The following CCDC141 variants were observed in gnomAD, a reference collection of about 807,000 sequenced individuals.
CCDC141 encodes coiled-coil domain containing 141.
Under a neutral mutation model 181.0 loss-of-function variants are expected in CCDC141, and 168 were observed. That is an observed-to-expected ratio of 0.93 (90% CI 0.82 to 1.05). CCDC141 has a LOEUF of 1.05. Among genes scored for constraint, CCDC141 ranks in the 50% least tolerant of loss-of-function variants. The pLI, the probability that CCDC141 is intolerant of heterozygous loss-of-function variation, is 0.00. For missense variants in CCDC141, 1,902 were observed against 1,788.5 expected (o/e 1.06, Z -1.14); for synonymous variants, 666 against 642.3 (o/e 1.04, Z -0.56).
At chr2:178,984,888 T>C (rs1342095541) in intron 2 of CCDC141, among the ~76,000 whole-genome samples, 1 of 151,274 alleles carries the variant, frequency 6.6e-6, no homozygotes, top group Non-Finnish European at 1.5e-5. Flanking sequence ...CACCCCACTG[T>C]CAACATTAGA....
At chr2:179,008,889 T>C (rs1192300442) in intron 2 of CCDC141, among the ~76,000 whole-genome samples, 5 of 152,314 alleles carry the variant, frequency 3.3e-5, no homozygotes, top group Admixed American at 6.5e-5. Flanking sequence ...AGGCTATCAC[T>C]TGTCAATGAT....
At chr2:178,943,537 C>A (rs1017281946) in intron 6 of CCDC141, among the ~76,000 whole-genome samples, 4 of 152,138 alleles carry the variant, frequency 2.6e-5, no homozygotes, top group African/African-American at 9.7e-5. Context: ...ACTTGTCTAG[C>A]CTGTATTCAA....
intron 2 of CCDC141, among the ~76,000 whole-genome samples, chr2:179,040,592 G>A (rs1219079667): frequency 6.6e-6 from 1 of 152,024 alleles, no homozygotes; most frequent in African/African-American, 2.4e-5. Context: ...TGTCCATGTG[G>A]TCTCATCATT....
chr2:178,846,971 T>C (rs1199979440), intron 21 of CCDC141, among the ~76,000 whole-genome samples: 1 of 152,194 alleles, frequency 6.6e-6, no homozygotes, highest in African/African-American at 2.4e-5. Flanking sequence ...TCAACCTTTA[T>C]ATTTAATAAC....
At chr2:179,008,022 C>A (rs749237252) in intron 2 of CCDC141, among the ~76,000 whole-genome samples, 8 of 152,106 alleles carry the variant, frequency 5.3e-5, no homozygotes, top group Non-Finnish European at 1.2e-4. Context: ...CTGATGTCAT[C>A]GTCTATGTTC....
At chr2:178,877,008 T>C (rs1233830170) in intron 12 of CCDC141, 4 of 152,164 alleles carry the variant, frequency 2.6e-5, no homozygotes, top group Non-Finnish European at 4.4e-5. Context: ...GTTAGCATAA[T>C]TGTAGGTCTC....
chr2:179,020,838 C>T (rs183409627), intron 2 of CCDC141, among the ~76,000 whole-genome samples: 10 of 152,286 alleles, frequency 6.6e-5, no homozygotes, highest in African/African-American at 1.9e-4. Flanking sequence ...ACATGCAATG[C>T]TTATATTTCT....
rs536295997 is a variant in CCDC141, at chr2:178,851,055, A to G, written c.3245-894T>C. 4.2e-4 allele frequency among the ~76,000 whole-genome samples: 64 copies of G among 151,992 alleles called. 1 individual carries two copies. The highest frequency in any genetic ancestry group is 1.4e-3 in the Admixed American group (21 of 15,268). ...ACCCCATCTCTACTAAAAATACAAA[A>G]ATTAACCTGGTGTGGTGGCACATGC... On this transcript the variant is annotated intron_variant, in intron 20 of 23. Transcript: ENST00000443758.
At chr2:178,872,679 A>T (rs1686173807) in intron 12 of CCDC141, among the ~76,000 whole-genome samples, 2 of 152,190 alleles carry the variant, frequency 1.3e-5, no homozygotes, top group Admixed American at 1.3e-4. Flanking sequence ...TTTTATTTTA[A>T]CATGCTCATT....
intron 7 of CCDC141, among the ~76,000 whole-genome samples, chr2:178,914,528 C>T (rs150974850): frequency 1.5e-4 from 23 of 152,284 alleles, no homozygotes; most frequent in Non-Finnish European, 2.6e-4. Flanking sequence ...GAGAAACATT[C>T]CTGAACCTTG....
chr2:178,818,474 T>C, the CCDC141 span, among the ~76,000 whole-genome samples: 9 of 152,138 alleles, frequency 5.9e-5, 1 homozygote, highest in South Asian at 1.9e-3. Context: ...TTCCCCTCCC[T>C]GTGTCCATCT....
intron 6 of CCDC141, among the ~76,000 whole-genome samples, chr2:178,937,247 T>C (rs1006079830): frequency 2.0e-5 from 3 of 152,184 alleles, no homozygotes; most frequent in Non-Finnish European, 4.4e-5. Context: ...TGGCTCTTAT[T>C]ATTTGGAGGT....
the CCDC141 span, among the ~76,000 whole-genome samples, chr2:178,819,557 T>C: frequency 1.3e-5 from 2 of 152,248 alleles, no homozygotes; most frequent in African/African-American, 4.8e-5. Flanking sequence ...ACCAAGCTTA[T>C]GCTATCTTGT....
In CCDC141 at chr2:178,961,496, TAGAA is replaced by T. The variant is rs1190205797; in HGVS notation, c.527-17_527-14del. ...CGTTCCAAGAGTTCTAGAAGAAAAT[TAGAA>T]AGAAAAAAGAATAATGATATTAGCA... On this transcript the variant is annotated splice_polypyrimidine_tract_variant and intron_variant, in intron 4 of 23. Coordinates refer to ENST00000443758, the MANE Select transcript of CCDC141 (RefSeq NM_173648.4). 7 of 1,532,570 alleles carry T rather than the reference TAGAA, an allele frequency of 4.6e-6. No homozygotes were observed. Among genetic ancestry groups the T allele is most frequent in the South Asian group, 3.7e-5 (3 of 81,898 alleles). The allele number at this position is 1,532,570 out of a possible 1,614,324, so 94.9% of individuals were successfully genotyped here.
chr2:179,023,878 T>C (rs2154386033), intron 2 of CCDC141, among the ~76,000 whole-genome samples: 1 of 152,324 alleles, frequency 6.6e-6, no homozygotes, highest in Non-Finnish European at 1.5e-5. Context: ...TACCCAAGAT[T>C]ATATGAATGT....
At chr2:178,982,725 G>T (rs879576491) in intron 2 of CCDC141, among the ~76,000 whole-genome samples, 3 of 152,128 alleles carry the variant, frequency 2.0e-5, no homozygotes, top group African/African-American at 4.8e-5. Flanking sequence ...GGAGAATCGG[G>T]TCACTCCCAC....
In CCDC141 at chr2:178,883,957, A is replaced by G. The variant is rs118171601; in HGVS notation, c.1719+944T>C. The stretch of plus-strand genomic sequence containing the variant: ...TCACACAAGGCAGATTCGAGACTGA[A>G]CCCAGAGGCCTGTAATTTCCAATTC... On this transcript the variant is annotated intron_variant, in intron 11 of 23. Transcript: ENST00000443758. Among the ~76,000 whole-genome samples the G allele has an allele frequency of 9.7e-4, 147 of 152,186 alleles. 3 individuals are homozygous for G. In the East Asian group the frequency reaches 0.014, roughly 15 times the overall value.
intron 8 of CCDC141, among the ~76,000 whole-genome samples, chr2:178,893,273 T>C (rs1687243057): frequency 1.3e-5 from 2 of 151,404 alleles, no homozygotes; most frequent in African/African-American, 4.8e-5. Context: ...GGTTCAAGAA[T>C]AGACTGCTCT....
chr2:178,841,225 T>C (rs550533235), intron 22 of CCDC141, among the ~76,000 whole-genome samples: 1 of 152,342 alleles, frequency 6.6e-6, no homozygotes, highest in Admixed American at 6.5e-5. Flanking sequence ...AAAGTTGACG[T>C]TGATGAACTA....
Sources: allele counts gnomAD v4.1 joint callset (sites outside exome capture counted in the v4.1 genomes callset), GRCh38; gene constraint gnomAD v4.1.1; transcripts MANE v1.5; gene names NCBI Gene and HGNC (gene_info 2026-07-23, HGNC 2026-07-21).